NARS2: variants seen among roughly 807,000 people sequenced by gnomAD.
NARS2 encodes the protein asparaginyl-tRNA synthetase.
A neutral mutation model predicts 62.9 loss-of-function variants in NARS2; 60 were observed. The ratio of observed to expected loss-of-function variants is 0.95; its 90% CI spans 0.77 to 1.18. The LOEUF is 1.18. Among genes scored for constraint, NARS2 ranks in the 50% most tolerant of loss-of-function variants. The probability of loss-of-function intolerance (pLI) is 0.00; values close to 1 mark genes in which losing one functional copy is unlikely to be tolerated. For synonymous variants in NARS2, 196 were observed against 200.0 expected (o/e 0.98, Z 0.17); for missense variants, 619 against 576.4 (o/e 1.07, Z -0.76).
intron 4 of NARS2, among the ~76,000 whole-genome samples, chr11:78,563,136 T>C (rs558918072): frequency 6.6e-6 from 1 of 152,184 alleles, no homozygotes; most frequent in African/African-American, 2.4e-5. Flanking sequence ...GTGAATTTAT[T>C]ACTACTCAAA....
intron 7 of NARS2, 140 bp downstream of exon 7, chr11:78,492,923 A>G (rs1859887190): frequency 1.5e-6 from 1 of 660,802 alleles, no homozygotes; most frequent in African/African-American, 1.8e-5. Flanking sequence ...CAGTAAAGGC[A>G]TTCAATAAGT....
chr11:78,500,509 T>C (rs1860240700), intron 6 of NARS2, among the ~76,000 whole-genome samples: 1 of 152,168 alleles, frequency 6.6e-6, no homozygotes, highest in South Asian at 2.1e-4. Flanking sequence ...GGTCTTGCTC[T>C]ATCACCCAGG....
At chr11:78,501,920 A>G (rs1194123459) in intron 6 of NARS2, among the ~76,000 whole-genome samples, 1 of 152,236 alleles carries the variant, frequency 6.6e-6, no homozygotes, top group Non-Finnish European at 1.5e-5. Context: ...TAGCCAAAAA[A>G]CAGAAATAAC....
intron 10 of NARS2, among the ~76,000 whole-genome samples, chr11:78,468,849 C>A (rs1189666989): frequency 7.6e-6 from 1 of 130,736 alleles, no homozygotes; most frequent in Non-Finnish European, 1.6e-5. Context: ...CCAGGCTGGT[C>A]TTGAACTTTG....
At chr11:78,565,063 T>A (rs1856699101) in intron 4 of NARS2, among the ~76,000 whole-genome samples, 1 of 152,220 alleles carries the variant, frequency 6.6e-6, no homozygotes, top group African/African-American at 2.4e-5. Context: ...CAATAAACTT[T>A]ATCTGCTGGA....
intron 7 of NARS2, among the ~76,000 whole-genome samples, chr11:78,479,444 G>A (rs56082297): frequency 6.6e-6 from 1 of 152,124 alleles, no homozygotes; most frequent in East Asian, 1.9e-4. Flanking sequence ...GCGAGGTTGA[G>A]GCTACAGTGA....
intron 7 of NARS2, 77 bp from the exon 8 acceptor site, chr11:78,478,760 C>T (rs1318917727): frequency 1.6e-5 from 12 of 754,792 alleles, no homozygotes; most frequent in Non-Finnish European, 2.3e-5. Context: ...CAATAAGGAC[C>T]GCATTCCAGG....
intron 5 of NARS2, among the ~76,000 whole-genome samples, chr11:78,537,156 A>G (rs749147060): frequency 1.3e-5 from 2 of 152,246 alleles, no homozygotes; most frequent in Non-Finnish European, 2.9e-5. Flanking sequence ...CATTTCTCAG[A>G]AAGTATCTCC....
At chr11:78,502,303 T>C (rs1860309410) in intron 6 of NARS2, among the ~76,000 whole-genome samples, 1 of 152,212 alleles carries the variant, frequency 6.6e-6, no homozygotes, top group Non-Finnish European at 1.5e-5. Flanking sequence ...ACAGCAGGGT[T>C]GGTTTCTGGT....
At chr11:78,521,815 G>T (rs918117155) in intron 6 of NARS2, among the ~76,000 whole-genome samples, 2 of 125,566 alleles carry the variant, frequency 1.6e-5, no homozygotes, top group African/African-American at 6.1e-5. Context: ...AAAAAGAAAA[G>T]CCCGGATACA....
intron 11 of NARS2, among the ~76,000 whole-genome samples, chr11:78,450,934 G>A (rs1478014436): frequency 2.0e-5 from 3 of 152,010 alleles, no homozygotes; most frequent in African/African-American, 7.2e-5. Flanking sequence ...TGCCCACCTG[G>A]GCCTCCAAAG....
intron 11 of NARS2, among the ~76,000 whole-genome samples, chr11:78,458,961 C>G (rs946074140): frequency 1.3e-5 from 2 of 151,590 alleles, no homozygotes; most frequent in African/African-American, 2.4e-5. Context: ...CTCTGTTGCC[C>G]CGGCTGGACT....
chr11:78,509,826 C>CAAA (rs71046976), intron 6 of NARS2, among the ~76,000 whole-genome samples: 16 of 116,594 alleles, frequency 1.4e-4, no homozygotes, highest in African/African-American at 3.2e-4. Context: ...GACTCTGTCT[C>CAAA]AAAAAAAAAA....
intron 1 of NARS2, 48 bp downstream of exon 1, chr11:78,574,300 T>C (rs1352621008): frequency 3.1e-6 from 5 of 1,611,738 alleles, no homozygotes; most frequent in African/African-American, 2.7e-5. Context: ...GGATGTGCCA[T>C]ATAAAAGTCC....
intron 5 of NARS2, among the ~76,000 whole-genome samples, chr11:78,547,261 T>G (rs952113808): frequency 6.6e-6 from 1 of 151,596 alleles, no homozygotes. Flanking sequence ...TCACTTGAGG[T>G]AAAAGAAGAA....
intron 9 of NARS2, among the ~76,000 whole-genome samples, chr11:78,475,580 C>CTTTTTTTTTTTTTTTTTTT (rs377023107): frequency 1.1e-5 from 1 of 93,976 alleles, no homozygotes; most frequent in African/African-American, 4.2e-5. Context: ...TATCATTTGA[C>CTTTTTTTTTTTTTTTTTTT]TTTTTTTTTT....
chr11:78,535,505 C>A (rs1246783674), intron 5 of NARS2, among the ~76,000 whole-genome samples: 1 of 149,438 alleles, frequency 6.7e-6, no homozygotes, highest in East Asian at 1.9e-4. Flanking sequence ...TCTCACACTT[C>A]TTATTTATTT....
intron 5 of NARS2, among the ~76,000 whole-genome samples, chr11:78,540,694 C>T (rs1361589906): frequency 6.6e-6 from 1 of 152,204 alleles, no homozygotes; most frequent in South Asian, 2.1e-4. Flanking sequence ...ATGCTATTGT[C>T]CTGTTTACCT....
rs1857065227 is a variant in NARS2 at position 78,574,652 on chromosome 11, G to C, written c.-164C>G. The C allele has an allele frequency of 2.8e-6, 2 of 707,948 alleles. No homozygotes were observed. Among genetic ancestry groups the C allele is most frequent in the African/African-American group, 3.6e-5 (2 of 55,602 alleles). The allele number at this position is 707,948 out of a possible 1,614,324, so 43.9% of individuals were successfully genotyped here. A position where few individuals can be genotyped will look rare whatever the true frequency, so the allele number is the denominator to read the frequency against. On this transcript the variant is annotated 5_prime_UTR_variant, in exon 1 of 14. Transcript: ENST00000281038. ...CGCGCTTTCTCCTTCAGGACTCCCA[G>C]CTCTGTCCCCACAGAACCTCTCCGC... is the stretch of plus-strand genomic sequence containing the variant.
Sources: allele counts gnomAD v4.1 joint callset (sites outside exome capture counted in the v4.1 genomes callset), GRCh38; gene constraint gnomAD v4.1.1; transcripts MANE v1.5; gene names NCBI Gene and HGNC (gene_info 2026-07-23, HGNC 2026-07-21).